RFX7: variants seen among roughly 807,000 people sequenced by gnomAD.
The protein encoded by RFX7 is regulatory factor X7.
Under a neutral mutation model 111.8 loss-of-function variants are expected in RFX7, and 26 were observed. That is an observed-to-expected ratio of 0.23 (90% CI 0.17 to 0.32). The LOEUF (loss-of-function observed/expected upper bound fraction) is 0.32. Among genes scored for constraint, RFX7 ranks in the 10% least tolerant of loss-of-function variants. The pLI is 1.00. For synonymous variants in RFX7, 624 were observed against 624.4 expected, an observed-to-expected ratio of 1.00 and a Z score of 0.01; for missense variants, 1,573 against 1,772.9, an observed-to-expected ratio of 0.89 and a Z score of 2.02.
chr15:56,207,720 G>A (rs760777603), intron 2 of RFX7, among the ~76,000 whole-genome samples: 1 of 152,072 alleles, frequency 6.6e-6, no homozygotes. Flanking sequence ...AAAGAGCTAG[G>A]ACTTCTGGTT....
chr15:56,117,431 T>C (rs2042022709), intron 5 of RFX7, among the ~76,000 whole-genome samples: 1 of 152,192 alleles, frequency 6.6e-6, no homozygotes, highest in African/African-American at 2.4e-5. Flanking sequence ...TAGACTTATG[T>C]ACAGTGAACA....
At chr15:56,229,655 G>A (rs532133204) in intron 2 of RFX7, among the ~76,000 whole-genome samples, 2 of 152,300 alleles carry the variant, frequency 1.3e-5, no homozygotes, top group East Asian at 3.9e-4. Context: ...TAGCCCAAGA[G>A]TTTCTGTTAT....
intron 2 of RFX7, among the ~76,000 whole-genome samples, chr15:56,223,095 C>T (rs562974036): frequency 2.0e-5 from 3 of 152,126 alleles, no homozygotes; most frequent in Non-Finnish European, 4.4e-5. Context: ...CTGAGCGAGA[C>T]CTCTCCAATT....
At chr15:56,116,918 A>T (rs748073615) in intron 5 of RFX7, among the ~76,000 whole-genome samples, 1 of 151,512 alleles carries the variant, frequency 6.6e-6, no homozygotes, top group East Asian at 2.0e-4. Flanking sequence ...TAAAAAATAT[A>T]GTATATTGTA....
chr15:56,103,676 A>G lies in RFX7; in HGVS notation c.402-6T>C. Reference sequence around the variant, plus strand: ...CAAGATTGTCACAATAGCTCCTGCAAAAGAAGGAAGGACCAATTTAGAGTG... The same window carrying G: ...CAAGATTGTCACAATAGCTCCTGCAGAAGAAGGAAGGACCAATTTAGAGTG... On this transcript the variant is annotated splice_region_variant and splice_polypyrimidine_tract_variant and intron_variant, in intron 5 of 9. Coordinates refer to ENST00000559447, the MANE Select transcript of RFX7 (RefSeq NM_022841.7). The G allele has an allele frequency of 6.4e-7, 1 of 1,559,036 alleles. No individual in the cohort carries two copies. The highest frequency in any genetic ancestry group is 1.2e-5 in the South Asian group (1 of 85,214).
intron 2 of RFX7, among the ~76,000 whole-genome samples, chr15:56,180,382 T>C (rs1260708612): frequency 3.3e-5 from 5 of 152,108 alleles, no homozygotes; most frequent in Admixed American, 6.5e-5. Flanking sequence ...GGATAAAGGA[T>C]AGGTTAAGAG....
chr15:56,191,525 A>T (rs1420518160), intron 2 of RFX7, among the ~76,000 whole-genome samples: 1 of 152,198 alleles, frequency 6.6e-6, no homozygotes, highest in Non-Finnish European at 1.5e-5. Context: ...AGCAGATAAC[A>T]TTTGACTTTT....
chr15:56,146,728 A>T (rs1238455050), intron 3 of RFX7, among the ~76,000 whole-genome samples: 1 of 152,084 alleles, frequency 6.6e-6, no homozygotes, highest in African/African-American at 2.4e-5. Context: ...CAGTGTCCTA[A>T]TTTTTTTTAA....
chr15:56,148,251 C>G (rs1267252586), intron 3 of RFX7, among the ~76,000 whole-genome samples: 1 of 152,122 alleles, frequency 6.6e-6, no homozygotes, highest in Non-Finnish European at 1.5e-5. Flanking sequence ...CAAAAAATAT[C>G]CTTGGTTATT....
At position 56,096,140 on chromosome 15, in the gene RFX7, C is replaced by A. The variant is rs1480479820; in HGVS notation, c.1588G>T (p.Gly530Trp). 1 of 1,613,846 alleles carries A rather than the reference C, an allele frequency of 6.2e-7. No homozygotes were observed. Among genetic ancestry groups the A allele is most frequent in the South Asian group, 1.1e-5 (1 of 91,060 alleles). ...TTGACTTCCACAGCAGATGTTCCCCCCGCACTGCTGCTCCTGGACCCAGGA... is the reference window on the plus strand; with the variant it reads ...TTGACTTCCACAGCAGATGTTCCCCACGCACTGCTGCTCCTGGACCCAGGA... ...QSPGSRSSSA[G>W]GTSAVEVKVE... The change falls in exon 10 of 10, where the codon GGG (glycine) becomes TGG (tryptophan). Residue 530 changes from glycine (G) to tryptophan (W), a missense_variant. Physicochemically the swap from Gly to Trp is radical, Grantham distance 184. Transcript: ENST00000559447.
chr15:56,151,018 A>G (rs1393464474), intron 3 of RFX7, among the ~76,000 whole-genome samples: 1 of 152,160 alleles, frequency 6.6e-6, no homozygotes, highest in Non-Finnish European at 1.5e-5. Context: ...TTAGAGGGAA[A>G]AAAAAAAGGT....
chr15:56,161,863 C>T (rs377025670), intron 3 of RFX7, among the ~76,000 whole-genome samples: 1 of 151,882 alleles, frequency 6.6e-6, no homozygotes. Context: ...TATTTCAGTC[C>T]CCTTGAAATA....
intron 3 of RFX7, among the ~76,000 whole-genome samples, chr15:56,165,615 G>A (rs1054626218): frequency 1.3e-5 from 2 of 152,138 alleles, no homozygotes; most frequent in Admixed American, 6.6e-5. Flanking sequence ...CATTAGACAC[G>A]TTCCATTTTT....
chr15:56,243,163 C>T lies in RFX7; in HGVS notation c.123G>A (p.Glu41=). The T allele has an allele frequency of 7.4e-7, 1 of 1,360,162 alleles. No homozygotes were observed. The highest frequency in any genetic ancestry group is 1.2e-5 in the South Asian group (1 of 86,098). 84.3% of individuals were successfully genotyped at this position (1,360,162 alleles called of 1,614,324 possible). A position where few individuals can be genotyped will look rare whatever the true frequency, so the allele number is the denominator to read the frequency against. The change falls in exon 2 of 10, where the codon GAG becomes GAA. Residue 41 remains glutamate (E), a synonymous_variant. Coordinates refer to ENST00000559447, the MANE Select transcript of RFX7 (RefSeq NM_022841.7). ...TGATCTTGTGTTGCAGCGCGCTGGC[C>T]TCTGTCCCTGGCAGCCCGGGCACAA... ...PALVPGLPGT[E]ASALQHKIKN...
chr15:56,164,032 G>T (rs72738620), intron 3 of RFX7, among the ~76,000 whole-genome samples: 19,820 of 152,138 alleles, frequency 0.13, 1,663 homozygotes, highest in East Asian at 0.43. Context: ...AGCATGGTGG[G>T]GACTAAGAGG....
intron 5 of RFX7, among the ~76,000 whole-genome samples, chr15:56,140,525 C>G (rs1185890589): frequency 1.3e-5 from 2 of 152,232 alleles, no homozygotes; most frequent in Non-Finnish European, 2.9e-5. Context: ...CTGGCACTCC[C>G]TAGTGAGATG....
intron 9 of RFX7, 75 bp from the exon 10 acceptor site, chr15:56,096,695 T>G: frequency 7.2e-7 from 1 of 1,387,612 alleles, no homozygotes; most frequent in South Asian, 1.6e-5. Context: ...TGTATATACT[T>G]TTAAGTCATT....
At chr15:56,204,683 CCA>C (rs1410809983) in intron 2 of RFX7, among the ~76,000 whole-genome samples, 1 of 152,040 alleles carries the variant, frequency 6.6e-6, no homozygotes, top group Non-Finnish European at 1.5e-5. Context: ...TACTATCTAC[CCA>C]TACCTACATT....
Position 56,094,204 on chromosome 15 carries a change from C to T in RFX7, c.3524G>A (p.Arg1175His), listed in dbSNP as rs751397678. 6 of 1,613,892 alleles carry T rather than the reference C, an allele frequency of 3.7e-6. No homozygotes were observed. The highest frequency in any genetic ancestry group is 2.2e-5 in the East Asian group (1 of 44,882). ...RSVSPAVHRQ[R>H]NLSGSTLYPV... ...ATAGAGGGTGCTTCCACTAAGATTA[C>T]GTTGGCGATGAACAGCAGGGCTCAC... Residue 1175 changes from arginine (R) to histidine (H), a missense_variant, in exon 10 of 10, where the codon CGT becomes CAT. This residue lies in a region of RFX7 where 411 missense variants were observed against 478.1 expected (regional missense o/e 0.86). Coordinates refer to ENST00000559447, the MANE Select transcript of RFX7 (RefSeq NM_022841.7).
Sources: gnomAD v4.1 joint callset for allele counts (sites outside exome capture counted in the v4.1 genomes callset) on GRCh38, gnomAD v4.1.1 for gene constraint, gnomAD v4.1.1 regional missense constraint, MANE v1.5 for transcripts, NCBI Gene and HGNC (gene_info 2026-07-23, HGNC 2026-07-21) for gene names.